The following SOD2 variants were observed in gnomAD, a reference collection of about 807,000 sequenced individuals.
The protein encoded by SOD2 is superoxide dismutase 2, also known as superoxide dismutase [Mn], mitochondrial.
Under a neutral mutation model 27.0 loss-of-function variants are expected in SOD2, and 11 were observed. That is an observed-to-expected ratio of 0.41 (90% confidence interval 0.26 to 0.67). The LOEUF (loss-of-function observed/expected upper bound fraction) is 0.67. Ranked by LOEUF, SOD2 falls within the 30% of genes least tolerant of loss-of-function variation. The pLI is 0.34. For missense variants in SOD2, 250 were observed against 274.5 expected, an observed-to-expected ratio of 0.91 and a Z score of 0.63; for synonymous variants, 105 against 103.0, an observed-to-expected ratio of 1.02 and a Z score of -0.12.
chr6:159,727,592 G>T, upstream of SOD2: 1 of 986,910 alleles, frequency 1.0e-6, no homozygotes, highest in Non-Finnish European at 1.2e-6. Context: ...CGGCGGGGCC[G>T]GCGGCAGAGC....
rs563970449 is a variant in SOD2, at chr6:159,759,063, C to A, written c.-336+1974G>T. Among the ~76,000 whole-genome samples, 609 of 142,846 alleles carry A rather than the reference C, an allele frequency of 4.3e-3. 3 individuals are homozygous for A. Among genetic ancestry groups the A allele is most frequent in the Middle Eastern group, 7.4e-3 (2 of 272 alleles). 93.7% of individuals were successfully genotyped at this position (142,846 alleles called of 152,430 possible). A position where few individuals can be genotyped will look rare whatever the true frequency, so the allele number is the denominator to read the frequency against. On this transcript the variant is annotated intron_variant, in intron 1 of 7. Coordinates refer to the SOD2 transcript ENST00000546087. ...ATCTAGATGTAATTTTATTTTATTT[C>A]TTTTTTTTTTTTTGAGATGGAGTTT... is the stretch of plus-strand genomic sequence containing the variant.
intron 1 of SOD2, among the ~76,000 whole-genome samples, chr6:159,739,671 TAAAAA>T (rs1779124586): frequency 6.6e-6 from 1 of 152,176 alleles, no homozygotes; most frequent in Non-Finnish European, 1.5e-5. Context: ...ATAACTTAGA[TAAAAA>T]TAAAATAAGT....
At chr6:159,705,089 A>G (rs1431277845) in intron 1 of SOD2, among the ~76,000 whole-genome samples, 1 of 151,656 alleles carries the variant, frequency 6.6e-6, no homozygotes, top group Non-Finnish European at 1.5e-5. Flanking sequence ...ACCAACAAAC[A>G]GAAAGGACAT....
chr6:159,737,381 C>T (rs1308521159), intron 1 of SOD2, among the ~76,000 whole-genome samples: 1 of 152,068 alleles, frequency 6.6e-6, no homozygotes, highest in Admixed American at 6.6e-5. Flanking sequence ...ATAGTTCCCT[C>T]GTTCCATTTT....
chr6:159,743,063 T>C (rs1222532163), intron 1 of SOD2, among the ~76,000 whole-genome samples: 1 of 152,248 alleles, frequency 6.6e-6, no homozygotes, highest in Non-Finnish European at 1.5e-5. Flanking sequence ...TATTTGTTTG[T>C]TTGAGACAGG....
chr6:159,741,925 C>G (rs1052046003), intron 1 of SOD2: 24 of 547,344 alleles, frequency 4.4e-5, no homozygotes, highest in African/African-American at 3.5e-4. Flanking sequence ...GCACTCCAGC[C>G]TGGGGGACAG....
rs773806001 is a variant in SOD2 at position 159,738,969 on chromosome 6, A to G, written c.-116+6161T>C. ...TGTCTTCAGGAAGAACACTAAATTC[A>G]TATTGTAATTCTCTTTATAGGTTCG... On this transcript the variant is annotated intron_variant, in intron 1 of 3. Coordinates refer to the SOD2 transcript ENST00000537657. 2.5e-6 allele frequency: 4 copies of G among 1,591,414 alleles called. No homozygotes were observed. In the South Asian group the frequency reaches 4.5e-5, roughly 18 times the overall value.
chr6:159,692,586 C>G (rs1361148315), intron 2 of SOD2, 75 bp downstream of exon 2: 1 of 1,592,380 alleles, frequency 6.3e-7, no homozygotes, highest in East Asian at 2.2e-5. Flanking sequence ...ACGGAGAGGC[C>G]CGTCCGTATG....
intron 1 of SOD2, among the ~76,000 whole-genome samples, chr6:159,715,972 T>C (rs2114831606): frequency 6.6e-6 from 1 of 152,266 alleles, no homozygotes; most frequent in Middle Eastern, 3.4e-3. Flanking sequence ...GTAGTTAGCT[T>C]TTTGTCTTAT....
In SOD2 at chr6:159,688,187, A is replaced by C; in HGVS notation, c.282T>G (p.Gly94=). The C allele has an allele frequency of 6.2e-7, 1 of 1,613,880 alleles. No individual in the cohort carries two copies. Among genetic ancestry groups the C allele is most frequent in the Non-Finnish European group, 8.5e-7 (1 of 1,179,746 alleles). The stretch of plus-strand genomic sequence containing the variant: ...TCCAGAAAATGCTATGATTGATATG[A>C]CCACCACCATTGAACTTCAGTGCAG... The part of the protein sequence containing the change: ...LQPALKFNGG[G]HINHSIFWTN... The change falls in exon 3 of 5, where the codon GGT becomes GGG. Residue 94 remains glycine, a synonymous_variant. Transcript: ENST00000538183.
chr6:159,713,920 T>C, intron 1 of SOD2: 1 of 914,158 alleles, frequency 1.1e-6, no homozygotes, highest in Non-Finnish European at 1.8e-6. Context: ...CTTCATCAGC[T>C]GAGCAGGACC....
chr6:159,720,175 C>T (rs951229514), intron 1 of SOD2, among the ~76,000 whole-genome samples: 1 of 151,540 alleles, frequency 6.6e-6, no homozygotes, highest in African/African-American at 2.4e-5. Flanking sequence ...GGATTACAGA[C>T]GCCCGCCACC....
intron 1 of SOD2, among the ~76,000 whole-genome samples, chr6:159,732,804 A>G (rs1361030430): frequency 1.3e-5 from 2 of 151,812 alleles, no homozygotes; most frequent in Non-Finnish European, 1.5e-5. Flanking sequence ...AGCCTGGGCA[A>G]CAGAGACCGG....
At chr6:159,683,295 C>A (rs1442899926) in intron 4 of SOD2, among the ~76,000 whole-genome samples, 4 of 152,090 alleles carry the variant, frequency 2.6e-5, no homozygotes, top group Non-Finnish European at 5.9e-5. Context: ...ACCAGCCTGG[C>A]CAACATGGTG....
rs1779074900 is a variant in SOD2, at chr6:159,738,874, C to T, written c.-116+6256G>A. 9.6e-6 allele frequency: 6 copies of T among 622,934 alleles called. No homozygotes were observed. In the East Asian group the frequency reaches 1.3e-4, roughly 13 times the overall value. The allele number at this position is 622,934 out of a possible 1,614,324, so 38.6% of individuals were successfully genotyped here. A position where few individuals can be genotyped will look rare whatever the true frequency, so the allele number is the denominator to read the frequency against. On this transcript the variant is annotated intron_variant, in intron 1 of 3. Coordinates refer to the SOD2 transcript ENST00000537657. Reference sequence around the variant, plus strand: ...GTAATAAAATACTTTTTCAAAAAATCATAATATGTACTGAGCCGTTTAAAT... The same window carrying T: ...GTAATAAAATACTTTTTCAAAAAATTATAATATGTACTGAGCCGTTTAAAT...
In SOD2 at chr6:159,677,854, C is replaced by T. The variant is rs902761240; in HGVS notation, c.*4639G>A. The T allele has an allele frequency of 8.5e-5, 13 of 152,248 alleles. No individual in the cohort carries two copies. Among genetic ancestry groups the T allele is most frequent in the African/African-American group, 3.1e-4 (13 of 41,544 alleles). 9.4% of individuals were successfully genotyped at this position (152,248 alleles called of 1,614,324 possible). On this transcript the variant is annotated 3_prime_UTR_variant, in exon 5 of 5. Coordinates refer to ENST00000538183, the MANE Select transcript of SOD2 (RefSeq NM_000636.4). ...AAGAAATATATATATTGTCTCAATC[C>T]TTGCTTGGTCTCTTGGCTCCTAAAC... is the stretch of plus-strand genomic sequence containing the variant.
upstream of SOD2, among the ~76,000 whole-genome samples, chr6:159,749,763 T>C (rs547349093): frequency 3.2e-3 from 495 of 152,320 alleles, 3 homozygotes; most frequent in Non-Finnish European, 4.7e-3. Context: ...AAAAAAGGTA[T>C]AGTGATCATT....
At chr6:159,740,407 T>G (rs1779181750) in intron 1 of SOD2, among the ~76,000 whole-genome samples, 2 of 152,232 alleles carry the variant, frequency 1.3e-5, no homozygotes, top group Non-Finnish European at 2.9e-5. Context: ...GTTTTTTCTC[T>G]TTGATTCCCT....
Position 159,742,136 on chromosome 6 carries a change from A to G in SOD2, c.-116+2994T>C, listed in dbSNP as rs1360591559. 5 of 1,605,432 alleles carry G rather than the reference A, an allele frequency of 3.1e-6. No homozygotes were observed. The Admixed American group carries it at 8.7e-5, about 28-fold the overall frequency. On this transcript the variant is annotated intron_variant, in intron 1 of 3. Transcript: ENST00000537657. ...TACAAGCTTTGGAGGGCAAGTACACAGATCTTAACTGTAAGTTTGAGTTTT... is the reference window on the plus strand; with the variant it reads ...TACAAGCTTTGGAGGGCAAGTACACGGATCTTAACTGTAAGTTTGAGTTTT...
Sources: allele counts gnomAD v4.1 joint callset (sites outside exome capture counted in the v4.1 genomes callset), GRCh38; gene constraint gnomAD v4.1.1; transcripts MANE v1.5; gene names NCBI Gene and HGNC (gene_info 2026-07-23, HGNC 2026-07-21).